Variants in ABI2 observed in about 807,000 individuals in gnomAD.
ABI2 encodes the protein abelson interactor 2.
Under a neutral mutation model 59.2 loss-of-function variants are expected in ABI2, and 25 were observed. The observed-to-expected ratio is 0.42, with a 90% CI of 0.31 to 0.59. The LOEUF (loss-of-function observed/expected upper bound fraction) is 0.59, where lower values mean the gene tolerates loss of function less well. ABI2 is among the 20% of genes least tolerant of loss of function. The pLI, the probability that ABI2 is intolerant of heterozygous loss-of-function variation, is 0.14. For missense variants in ABI2, 545 were observed against 681.8 expected (o/e 0.80, Z 2.23); for synonymous variants, 213 against 235.5 (o/e 0.90, Z 0.87).
At chr2:203,397,584 C>G (rs1384432033) in intron 8 of ABI2, among the ~76,000 whole-genome samples, 1 of 152,150 alleles carries the variant, frequency 6.6e-6, no homozygotes, top group Non-Finnish European at 1.5e-5. Context: ...GTAACAGGTT[C>G]TTGTCTGCTA....
At chr2:203,382,066 G>T in intron 3 of ABI2, 123 bp from the exon 4 acceptor site, 2 of 742,282 alleles carry the variant, frequency 2.7e-6, no homozygotes, top group Non-Finnish European at 4.2e-6. Context: ...ACATTATTTT[G>T]TTAATGCTGA....
chr2:203,332,827 C>T (rs577100207), intron 1 of ABI2, among the ~76,000 whole-genome samples: 4 of 152,040 alleles, frequency 2.6e-5, no homozygotes, highest in South Asian at 4.1e-4. Context: ...TTGATATGTA[C>T]GTTTTTCTTT....
chr2:203,329,003 T>C, intron 1 of ABI2: 1 of 173,394 alleles, frequency 5.8e-6, no homozygotes, highest in Non-Finnish European at 1.2e-5. Context: ...GGTAGGGGTG[T>C]CGCGGGTGTT....
rs76465572 is a variant in ABI2 at position 203,402,806 on chromosome 2, A to G, written c.1192+72A>G. ...AAACCTTCAACTACAAAAAACCCTT[A>G]ATTACAAATAGTGCATGGTAGGTGG... On this transcript the variant is annotated intron_variant, in intron 9 of 11. Coordinates refer to ENST00000261018, the MANE Select transcript of ABI2 (RefSeq NM_001375670.1). 2.0e-3 allele frequency: 2,629 copies of G among 1,326,424 alleles called. 27 individuals are homozygous for G. Among genetic ancestry groups the G allele is most frequent in the East Asian group, 6.1e-3 (246 of 40,252 alleles). The allele number at this position is 1,326,424 out of a possible 1,614,324, so 82.2% of individuals were successfully genotyped here.
At position 203,372,291 on chromosome 2, in the gene ABI2, G is replaced by A. The variant is rs548892376; in HGVS notation, c.285+5247G>A. ...ATCCCAAGGCAGAAGAATTTTTCTT[G>A]GTACAGAACAAAATGAAAAGTCTCC... is the stretch of plus-strand genomic sequence containing the variant. On this transcript the variant is annotated intron_variant, in intron 2 of 11. Transcript: ENST00000261018. Among the ~76,000 whole-genome samples, 218 of 151,552 alleles carry A rather than the reference G, an allele frequency of 1.4e-3. 1 individual carries two copies. In the East Asian group the frequency reaches 0.021, roughly 15 times the overall value.
At chr2:203,339,588 A>G (rs915688137) in intron 1 of ABI2, among the ~76,000 whole-genome samples, 1 of 151,794 alleles carries the variant, frequency 6.6e-6, no homozygotes, top group Admixed American at 6.6e-5. Context: ...CTCAAAAAAA[A>G]AAAAAAAAAG....
intron 5 of ABI2, among the ~76,000 whole-genome samples, chr2:203,393,503 C>T (rs936842468): frequency 6.6e-6 from 1 of 152,206 alleles, no homozygotes; most frequent in African/African-American, 2.4e-5. Flanking sequence ...AAAGTCCTGA[C>T]ATTACTTTTT....
At chr2:203,418,976 A>G (rs1184901662) in intron 11 of ABI2, among the ~76,000 whole-genome samples, 2 of 152,236 alleles carry the variant, frequency 1.3e-5, no homozygotes, top group East Asian at 3.8e-4. Context: ...GAACAAAGAT[A>G]AGAATGACTG....
At chr2:203,386,191 A>G (rs2096498525) in intron 4 of ABI2, among the ~76,000 whole-genome samples, 1 of 152,132 alleles carries the variant, frequency 6.6e-6, no homozygotes, top group African/African-American at 2.4e-5. Flanking sequence ...ATGAAGGCCC[A>G]AAGGTGACTG....
intron 2 of ABI2, among the ~76,000 whole-genome samples, chr2:203,369,222 T>G (rs570483824): frequency 2.8e-4 from 43 of 151,832 alleles, no homozygotes; most frequent in Middle Eastern, 3.4e-3. Flanking sequence ...AATCCTAAAA[T>G]TTTTCCATGT....
intron 1 of ABI2, among the ~76,000 whole-genome samples, chr2:203,332,207 G>GTA (rs977202013): frequency 6.6e-6 from 1 of 152,124 alleles, no homozygotes; most frequent in Non-Finnish European, 1.5e-5. Flanking sequence ...TGATAAACAG[G>GTA]TATAACTACA....
At chr2:203,375,257 A>T (rs1478594614) in intron 2 of ABI2, among the ~76,000 whole-genome samples, 1 of 152,220 alleles carries the variant, frequency 6.6e-6, no homozygotes, top group Admixed American at 6.5e-5. Flanking sequence ...TTTTTGGTTA[A>T]TGGGATCTGT....
chr2:203,427,028 A>G (rs567586686), intron 11 of ABI2, 149 bp from the exon 12 acceptor site: 92 of 639,208 alleles, frequency 1.4e-4, no homozygotes, highest in Admixed American at 4.7e-4. Context: ...ACTTAGAAAA[A>G]AAAACATGTA....
intron 7 of ABI2, 29 bp downstream of exon 7, chr2:203,395,809 CT>C (rs752966032): frequency 1.3e-6 from 2 of 1,526,112 alleles, no homozygotes; most frequent in East Asian, 2.4e-5. Context: ...CTCGTCTTCA[CT>C]TTTCCTTTCT....
intron 1 of ABI2, among the ~76,000 whole-genome samples, chr2:203,345,499 C>T (rs2082808780): frequency 6.6e-6 from 1 of 152,160 alleles, no homozygotes; most frequent in Admixed American, 6.5e-5. Context: ...CAATCTCCAC[C>T]TCCTGGGTTC....
intron 9 of ABI2, among the ~76,000 whole-genome samples, chr2:203,404,045 G>A (rs1438809652): frequency 2.6e-5 from 4 of 151,806 alleles, no homozygotes; most frequent in Admixed American, 2.0e-4. Flanking sequence ...GAGTCACCGT[G>A]CCTGGCCTAA....
At chr2:203,331,649 C>T (rs140888009) in intron 1 of ABI2, among the ~76,000 whole-genome samples, 11 of 152,022 alleles carry the variant, frequency 7.2e-5, no homozygotes, top group African/African-American at 1.2e-4. Context: ...CGTGAGCCAC[C>T]GCACCTGGCC....
chr2:203,386,430 G>GTTTTTTT lies in ABI2; in HGVS notation c.480+4244_480+4250dup, dbSNP rs71007512. The GTTTTTTT allele has an allele frequency of 4.5e-3, 287 of 63,898 alleles. 29 individuals are homozygous for GTTTTTTT. The highest frequency in any genetic ancestry group is 0.024 in the African/African-American group (273 of 11,592). 4.0% of individuals were successfully genotyped at this position (63,898 alleles called of 1,614,324 possible). ...AGCGGGACTACAGCCACTCCTGGCTGTTTTTTTTTTTTTTTTTTTTTTTTT... is the reference window on the plus strand; with the variant it reads ...AGCGGGACTACAGCCACTCCTGGCTGTTTTTTTTTTTTTTTTTTTTTTTTTTTTTTTT... On this transcript the variant is annotated intron_variant, in intron 4 of 11. Coordinates refer to ENST00000261018, the MANE Select transcript of ABI2 (RefSeq NM_001375670.1).
chr2:203,402,700 G>C lies in ABI2; in HGVS notation c.1158G>C (p.Gln386His), dbSNP rs777010728. Residue 386 changes from glutamine to histidine, a missense_variant, in exon 9 of 12, where the codon CAG (glutamine) becomes CAC (histidine). By Grantham distance (24) the Gln-to-His change is conservative. Coordinates refer to ENST00000261018, the MANE Select transcript of ABI2 (RefSeq NM_001375670.1). Reference sequence around the variant, plus strand: ...CTTCACAAACAAGCCTTCAGAATCAGATGAATGGAGGACCTTTTTATAGCC... The same window carrying C: ...CTTCACAAACAAGCCTTCAGAATCACATGAATGGAGGACCTTTTTATAGCC... Reference protein sequence around the residue: ...SITSQTSLQNQMNGGPFYSQN... With the variant: ...SITSQTSLQNHMNGGPFYSQN... 26 of 1,603,640 alleles carry C rather than the reference G, an allele frequency of 1.6e-5. No individual in the cohort carries two copies. The South Asian group carries it at 2.7e-4, about 17-fold the overall frequency.
Sources: allele counts gnomAD v4.1 joint callset (sites outside exome capture counted in the v4.1 genomes callset), GRCh38; gene constraint gnomAD v4.1.1; transcripts MANE v1.5; gene names NCBI Gene and HGNC (gene_info 2026-07-23, HGNC 2026-07-21).